PARD3B: variants seen among roughly 807,000 people sequenced by gnomAD.
PARD3B encodes the protein par-3 family cell polarity regulator beta, also known as partitioning defective 3 homolog B.
A neutral mutation model predicts 130.2 loss-of-function variants in PARD3B; 103 were observed. That is an observed-to-expected ratio of 0.79 (90% CI 0.67 to 0.93). PARD3B has a LOEUF of 0.93. Ranked by LOEUF, PARD3B falls within the 40% of genes least tolerant of loss-of-function variation. The probability of loss-of-function intolerance (pLI) is 0.00; values close to 1 mark genes in which losing one functional copy is unlikely to be tolerated. For missense variants in PARD3B, 1,609 were observed against 1,499.2 expected (o/e 1.07, Z -1.21); for synonymous variants, 583 against 553.2 (o/e 1.05, Z -0.76).
intron 2 of PARD3B, among the ~76,000 whole-genome samples, chr2:204,691,029 A>G (rs1238147144): frequency 6.6e-6 from 1 of 152,272 alleles, no homozygotes; most frequent in East Asian, 1.9e-4. Flanking sequence ...AAAGTCACAG[A>G]CAAACAGCCT....
intron 1 of PARD3B, among the ~76,000 whole-genome samples, chr2:204,586,322 G>A (rs1356113016): frequency 6.6e-6 from 1 of 152,172 alleles, no homozygotes; most frequent in Non-Finnish European, 1.5e-5. Flanking sequence ...CCTGACACCA[G>A]TATCAGTGTT....
intron 15 of PARD3B, among the ~76,000 whole-genome samples, chr2:205,233,714 C>T (rs1271267603): frequency 6.6e-6 from 1 of 152,054 alleles, no homozygotes; most frequent in Admixed American, 6.6e-5. Flanking sequence ...TTTAGCCTAG[C>T]CTGCCTTACA....
At chr2:204,960,710 T>C (rs1332263270) in intron 2 of PARD3B, among the ~76,000 whole-genome samples, 1 of 152,140 alleles carries the variant, frequency 6.6e-6, no homozygotes, top group Admixed American at 6.5e-5. Context: ...TATTCACTCT[T>C]CGAGCCAATG....
chr2:205,531,181 A>G (rs2051575562), intron 21 of PARD3B, among the ~76,000 whole-genome samples: 2 of 152,272 alleles, frequency 1.3e-5, no homozygotes, highest in South Asian at 4.2e-4. Flanking sequence ...TAGTCTTTCC[A>G]CTTAAATCAA....
intron 3 of PARD3B, among the ~76,000 whole-genome samples, chr2:205,029,694 G>A (rs1380858647): frequency 6.6e-6 from 1 of 152,106 alleles, no homozygotes; most frequent in Non-Finnish European, 1.5e-5. Context: ...GGGGGTCAAG[G>A]ACTATGTCAT....
chr2:205,057,226 T>A (rs963124901), intron 4 of PARD3B, among the ~76,000 whole-genome samples: 1 of 150,620 alleles, frequency 6.6e-6, no homozygotes, highest in Non-Finnish European at 1.5e-5. Flanking sequence ...TATGTATGTA[T>A]ATGTGTTATA....
At position 205,178,134 on chromosome 2, in the gene PARD3B, C is replaced by T. The variant is rs545209388; in HGVS notation, c.1924+1557C>T. ...CAGCCAGCCCAACATGGCAAAATCC[C>T]ATCTGTACTAAAAAAAAAAAAAAAA... On this transcript the variant is annotated intron_variant, in intron 13 of 22. Coordinates refer to ENST00000406610, the MANE Select transcript of PARD3B (RefSeq NM_001302769.2). 5.5e-5 allele frequency among the ~76,000 whole-genome samples: 5 copies of T among 90,670 alleles called. No individual in the cohort carries two copies. The South Asian group carries it at 1.5e-3, about 27-fold the overall frequency. The allele number at this position is 90,670 out of a possible 152,430, so 59.5% of individuals were successfully genotyped here. A position where few individuals can be genotyped will look rare whatever the true frequency, so the allele number is the denominator to read the frequency against.
chr2:205,223,947 T>C (rs1319577513), intron 15 of PARD3B, among the ~76,000 whole-genome samples: 3 of 151,958 alleles, frequency 2.0e-5, no homozygotes, highest in Admixed American at 6.6e-5. Flanking sequence ...TATACTATTT[T>C]AGTCATTCCG....
rs1200737776 is a variant in PARD3B at position 205,107,177 on chromosome 2, AC to A, written c.593+2665del. ...ATCCCTCAGCTACACCATTATAATAACCTACTAACTTCTCTGTCAAATGTCA... is the reference window on the plus strand; with the variant it reads ...ATCCCTCAGCTACACCATTATAATAACTACTAACTTCTCTGTCAAATGTCA... On this transcript the variant is annotated intron_variant, in intron 5 of 22. Transcript: ENST00000406610. 2.0e-5 allele frequency among the ~76,000 whole-genome samples: 3 copies of A among 152,188 alleles called. No individual in the cohort carries two copies. In the East Asian group the frequency reaches 5.8e-4, roughly 29 times the overall value.
intron 1 of PARD3B, among the ~76,000 whole-genome samples, chr2:204,683,195 T>C (rs1026531130): frequency 2.6e-5 from 4 of 152,164 alleles, no homozygotes; most frequent in African/African-American, 9.7e-5. Context: ...CCTAGGAGTA[T>C]AAGTAATAAG....
chr2:205,009,596 G>A (rs944856150), intron 3 of PARD3B, among the ~76,000 whole-genome samples: 23 of 151,740 alleles, frequency 1.5e-4, no homozygotes, highest in Admixed American at 3.3e-4. Context: ...GCGTGAACCC[G>A]GGAGGCGGAG....
intron 3 of PARD3B, among the ~76,000 whole-genome samples, chr2:205,037,894 C>T (rs145033906): frequency 2.3e-4 from 35 of 152,172 alleles, no homozygotes; most frequent in African/African-American, 7.9e-4. Context: ...TACTAAGGCT[C>T]CTCTTGGCAT....
intron 3 of PARD3B, among the ~76,000 whole-genome samples, chr2:204,989,410 G>C (rs1229537301): frequency 6.6e-6 from 1 of 152,104 alleles, no homozygotes; most frequent in Non-Finnish European, 1.5e-5. Context: ...CATTTTACTA[G>C]AGGCCAGCGA....
chr2:205,450,564 C>T (rs2048065148), intron 20 of PARD3B, among the ~76,000 whole-genome samples: 1 of 149,678 alleles, frequency 6.7e-6, no homozygotes, highest in African/African-American at 2.5e-5. Flanking sequence ...ACCTCCGCCT[C>T]CCAGGTTCAA....
Position 204,610,551 on chromosome 2 carries a change from T to G in PARD3B, c.120+64432T>G, listed in dbSNP as rs1048293459. 3.3e-5 allele frequency among the ~76,000 whole-genome samples: 5 copies of G among 152,164 alleles called. No homozygotes were observed. The South Asian group carries it at 8.3e-4, about 25-fold the overall frequency. ...TTGTATTTTTAGTAGAGACTGGGCT[T>G]TGCCATCTTGGCCAGACATCTTGGT... is the stretch of plus-strand genomic sequence containing the variant. On this transcript the variant is annotated intron_variant, in intron 1 of 22. Coordinates refer to ENST00000406610, the MANE Select transcript of PARD3B (RefSeq NM_001302769.2). The surrounding 1 kb of genome is among the most constrained non-coding windows in gnomAD (Gnocchi z 4.1).
intron 2 of PARD3B, among the ~76,000 whole-genome samples, chr2:204,701,475 G>A (rs1397034104): frequency 6.6e-6 from 1 of 152,108 alleles, no homozygotes; most frequent in Non-Finnish European, 1.5e-5. Context: ...TTTTATAGGT[G>A]ATTATTGGTA....
chr2:205,320,377 A>G (rs2042712216), intron 18 of PARD3B, among the ~76,000 whole-genome samples: 1 of 152,198 alleles, frequency 6.6e-6, no homozygotes, highest in Non-Finnish European at 1.5e-5. Flanking sequence ...TTTGGAAATA[A>G]TATGTGTTAG....
At chr2:204,904,076 G>C (rs1295510354) in intron 2 of PARD3B, among the ~76,000 whole-genome samples, 1 of 152,054 alleles carries the variant, frequency 6.6e-6, no homozygotes, top group Non-Finnish European at 1.5e-5. Context: ...CATAAAAAAG[G>C]CTCTGATTTA....
chr2:205,401,397 A>G (rs994404379), intron 19 of PARD3B, among the ~76,000 whole-genome samples: 4 of 152,118 alleles, frequency 2.6e-5, no homozygotes, highest in African/African-American at 7.2e-5. Context: ...TATTTTCTCC[A>G]TGTCTTTTTT....
Sources: gnomAD v4.1 joint callset for allele counts (sites outside exome capture counted in the v4.1 genomes callset) on GRCh38, gnomAD v4.1.1 for gene constraint, Gnocchi (gnomAD v3.1) non-coding constraint, MANE v1.5 for transcripts, NCBI Gene and HGNC (gene_info 2026-07-23, HGNC 2026-07-21) for gene names.